The following FOCAD variants were observed in gnomAD, a reference collection of about 807,000 sequenced individuals.
The protein encoded by FOCAD is focadhesin.
In FOCAD, 198 loss-of-function variants were observed where a neutral mutation model predicts 225.6. That is an observed-to-expected ratio of 0.88 (90% CI 0.78 to 0.99). The LOEUF is 0.99. Among genes scored for constraint, FOCAD ranks in the 50% least tolerant of loss-of-function variants. The pLI, the probability that FOCAD is intolerant of heterozygous loss-of-function variation, is 0.00. For missense variants in FOCAD, 2,713 were observed against 2,123.6 expected (o/e 1.28, Z -5.46); for synonymous variants, 897 against 755.0 (o/e 1.19, Z -3.08).
At chr9:20,757,311 A>T (rs919471171) in intron 5 of FOCAD, among the ~76,000 whole-genome samples, 6 of 152,370 alleles carry the variant, frequency 3.9e-5, no homozygotes, top group Non-Finnish European at 7.3e-5. Context: ...ATAGTTTAAA[A>T]AGCTGACCAA....
At chr9:20,666,364 G>A (rs1821899525) in intron 2 of FOCAD, among the ~76,000 whole-genome samples, 1 of 152,126 alleles carries the variant, frequency 6.6e-6, no homozygotes. Context: ...GAGCTCAGAA[G>A]TTCGAGACCA....
At chr9:20,943,671 A>T (rs530594507) in intron 28 of FOCAD, among the ~76,000 whole-genome samples, 2 of 152,184 alleles carry the variant, frequency 1.3e-5, no homozygotes, top group Non-Finnish European at 1.5e-5. Context: ...ATGACCTAAC[A>T]TGTGGGCATT....
At chr9:20,811,098 C>A (rs1823016499) in intron 11 of FOCAD, among the ~76,000 whole-genome samples, 1 of 151,906 alleles carries the variant, frequency 6.6e-6, no homozygotes, top group Admixed American at 6.6e-5. Context: ...ATAATTGCAA[C>A]ATTATTATAA....
At chr9:20,923,799 T>C (rs1834687823) in intron 25 of FOCAD, 31 bp downstream of exon 25, 6 of 1,541,380 alleles carry the variant, frequency 3.9e-6, no homozygotes, top group Middle Eastern at 1.7e-4. Context: ...CAATTGGCTT[T>C]GATTATGTCT....
Position 20,982,441 on chromosome 9 carries a change from A to C in FOCAD, c.4723A>C (p.Thr1575Pro), listed in dbSNP as rs1252161590. 8 of 1,612,626 alleles carry C rather than the reference A, an allele frequency of 5.0e-6. No individual in the cohort carries two copies. Among genetic ancestry groups the C allele is most frequent in the Non-Finnish European group, 6.8e-6 (8 of 1,178,754 alleles). Reference sequence around the variant, plus strand: ...TGATGCCAATCGGATCGCCCAGGTTACTAAGGTAATAACATATCTTTCTAT... The same window carrying C: ...TGATGCCAATCGGATCGCCCAGGTTCCTAAGGTAATAACATATCTTTCTAT... Reference protein sequence around the residue: ...DDDANRIAQVTKSNIEKAAFV... With the variant: ...DDDANRIAQVPKSNIEKAAFV... Residue 1575 changes from threonine to proline, a missense_variant, in exon 39 of 44, where the codon ACT becomes CCT. Transcript: ENST00000338382.
chr9:20,979,868 A>G (rs1188408467), intron 37 of FOCAD, among the ~76,000 whole-genome samples: 2 of 152,192 alleles, frequency 1.3e-5, no homozygotes, highest in African/African-American at 4.8e-5. Flanking sequence ...GCCTGACGGG[A>G]CAGTTTTAAA....
At chr9:20,930,256 GT>G (rs1275374568) in intron 27 of FOCAD, among the ~76,000 whole-genome samples, 1 of 152,042 alleles carries the variant, frequency 6.6e-6, no homozygotes, top group African/African-American at 2.4e-5. Flanking sequence ...AATCGGAAAG[GT>G]TTTTTTAGTG....
Position 20,712,182 on chromosome 9 carries a change from G to C in FOCAD, c.-32-3140G>C, listed in dbSNP as rs1054016561. 1.0e-3 allele frequency among the ~76,000 whole-genome samples: 155 copies of C among 152,134 alleles called. 5 individuals are homozygous for C. The highest frequency in any genetic ancestry group is 1.8e-4 in the Non-Finnish European group (12 of 67,928). On this transcript the variant is annotated intron_variant, in intron 1 of 43. Transcript: ENST00000338382. ...CGAGACATTTCCCCTTGGGATACCT[G>C]TGAGGCATCTAAAACTTAACTGTCC... is the stretch of plus-strand genomic sequence containing the variant.
At chr9:20,944,462 A>T (rs1211103677) in intron 28 of FOCAD, among the ~76,000 whole-genome samples, 165 bp from the exon 29 acceptor site, 3 of 152,120 alleles carry the variant, frequency 2.0e-5, no homozygotes, top group Non-Finnish European at 4.4e-5. Flanking sequence ...GGGGAGAGGT[A>T]TGTGTACTTG....
At chr9:20,867,034 C>T (rs759755541) in intron 18 of FOCAD, 22 bp downstream of exon 18, 2 of 1,477,210 alleles carry the variant, frequency 1.4e-6, no homozygotes, top group Non-Finnish European at 1.9e-6. Flanking sequence ...TGCTTTCTCA[C>T]TGGTATTTCT....
intron 5 of FOCAD, among the ~76,000 whole-genome samples, chr9:20,748,174 G>C (rs940000085): frequency 2.0e-5 from 3 of 152,048 alleles, no homozygotes; most frequent in African/African-American, 7.2e-5. Flanking sequence ...TGCCATAAGG[G>C]ATTGAAACCA....
chr9:20,794,037 G>A (rs770074245), intron 11 of FOCAD, among the ~76,000 whole-genome samples: 1 of 152,142 alleles, frequency 6.6e-6, no homozygotes, highest in Non-Finnish European at 1.5e-5. Context: ...TCAAAGGCCA[G>A]TCTTATTTGA....
At chr9:20,963,684 A>G (rs538294334) in intron 35 of FOCAD, among the ~76,000 whole-genome samples, 1 of 152,322 alleles carries the variant, frequency 6.6e-6, no homozygotes, top group Admixed American at 6.5e-5. Flanking sequence ...TCTATGAATC[A>G]TGTGCTAAGA....
At chr9:20,842,896 A>G (rs1826686951) in intron 15 of FOCAD, among the ~76,000 whole-genome samples, 2 of 151,714 alleles carry the variant, frequency 1.3e-5, no homozygotes, top group African/African-American at 4.8e-5. Flanking sequence ...TGGGTTATTG[A>G]TTTGAGGTTA....
At chr9:20,917,709 C>G (rs1833991134) in intron 24 of FOCAD, among the ~76,000 whole-genome samples, 1 of 152,062 alleles carries the variant, frequency 6.6e-6, no homozygotes, top group Non-Finnish European at 1.5e-5. Flanking sequence ...ATTAAAAGTC[C>G]ATATCATCCA....
intron 8 of FOCAD, among the ~76,000 whole-genome samples, chr9:20,778,370 A>C (rs371824547): frequency 2.6e-5 from 4 of 151,948 alleles, no homozygotes; most frequent in African/African-American, 9.7e-5. Flanking sequence ...GTAGCTGGGA[A>C]ATTAGCCTGG....
intron 11 of FOCAD, among the ~76,000 whole-genome samples, chr9:20,791,335 T>G (rs1820517888): frequency 6.6e-6 from 1 of 152,246 alleles, no homozygotes; most frequent in South Asian, 2.1e-4. Context: ...ACAAAGTTTT[T>G]TCCCCTTTAT....
At chr9:20,800,182 C>G (rs567947222) in intron 11 of FOCAD, among the ~76,000 whole-genome samples, 71 of 152,014 alleles carry the variant, frequency 4.7e-4, no homozygotes, top group African/African-American at 1.6e-3. Context: ...GGCTCCCACT[C>G]TCTTCTGGCT....
At chr9:20,973,108 C>T (rs1839907364) in intron 35 of FOCAD, among the ~76,000 whole-genome samples, 1 of 148,428 alleles carries the variant, frequency 6.7e-6, no homozygotes, top group South Asian at 2.1e-4. Context: ...TGTTCTGATT[C>T]CCTCTTTCAG....
Sources: gnomAD v4.1 joint callset for allele counts (sites outside exome capture counted in the v4.1 genomes callset) on GRCh38, gnomAD v4.1.1 for gene constraint, MANE v1.5 for transcripts, NCBI Gene and HGNC (gene_info 2026-07-23, HGNC 2026-07-21) for gene names.